Variants in SLC2A13 observed in about 807,000 individuals in gnomAD.
SLC2A13 encodes the protein solute carrier family 2 member 13, also known as proton myo-inositol cotransporter.
Under a neutral mutation model 64.4 loss-of-function variants are expected in SLC2A13, and 32 were observed. The observed-to-expected ratio is 0.50, with a 90% CI of 0.37 to 0.67. SLC2A13 has a LOEUF of 0.67. Among genes scored for constraint, SLC2A13 ranks in the 30% least tolerant of loss-of-function variants. The probability of loss-of-function intolerance (pLI) is 0.00; values close to 1 mark genes in which losing one functional copy is unlikely to be tolerated. For missense variants in SLC2A13, 743 were observed against 829.2 expected, an observed-to-expected ratio of 0.90 and a Z score of 1.28; for synonymous variants, 338 against 327.1, an observed-to-expected ratio of 1.03 and a Z score of -0.36.
At chr12:39,815,348 TCTA>T (rs1167051328) in intron 7 of SLC2A13, among the ~76,000 whole-genome samples, 2 of 152,214 alleles carry the variant, frequency 1.3e-5, no homozygotes, top group African/African-American at 4.8e-5. Flanking sequence ...TATTGTCATT[TCTA>T]CTACAAGTTT....
chr12:39,930,435 G>A (rs1387590409), intron 4 of SLC2A13, among the ~76,000 whole-genome samples: 2 of 152,106 alleles, frequency 1.3e-5, no homozygotes, highest in Non-Finnish European at 2.9e-5. Flanking sequence ...ATTATATCAG[G>A]GGCAGGAAGA....
intron 7 of SLC2A13, among the ~76,000 whole-genome samples, chr12:39,826,252 G>C (rs1209249130): frequency 6.6e-6 from 1 of 151,560 alleles, no homozygotes; most frequent in African/African-American, 2.4e-5. Flanking sequence ...GTCTCTGCTT[G>C]TTTTTGTTTT....
chr12:39,820,241 A>T (rs1274109087), intron 7 of SLC2A13, among the ~76,000 whole-genome samples: 1 of 152,224 alleles, frequency 6.6e-6, no homozygotes, highest in Non-Finnish European at 1.5e-5. Flanking sequence ...ATAAAATAAG[A>T]CAGCATTCAT....
chr12:39,899,990 C>A (rs891435762), intron 4 of SLC2A13, among the ~76,000 whole-genome samples: 1 of 151,304 alleles, frequency 6.6e-6, no homozygotes, highest in South Asian at 2.1e-4. Flanking sequence ...AGCTTATCCA[C>A]CATGATCAAG....
chr12:39,994,369 C>T (rs530986344), intron 3 of SLC2A13, among the ~76,000 whole-genome samples: 6 of 142,076 alleles, frequency 4.2e-5, no homozygotes, highest in Non-Finnish European at 9.0e-5. Flanking sequence ...GGCAACAGAG[C>T]GAGACTCCAT....
rs560459104 is a variant in SLC2A13, at chr12:39,915,904, T to C, written c.1034+35353A>G. On this transcript the variant is annotated intron_variant, in intron 4 of 9. Coordinates refer to ENST00000280871, the MANE Select transcript of SLC2A13 (RefSeq NM_052885.4). Reference sequence around the variant, plus strand: ...GACAAATCTCTGATTTACAGCATAATTTCTACAAAAAACTTAAAGAAATCA... The same window carrying C: ...GACAAATCTCTGATTTACAGCATAACTTCTACAAAAAACTTAAAGAAATCA... 3.9e-5 allele frequency among the ~76,000 whole-genome samples: 6 copies of C among 152,048 alleles called. 1 individual carries two copies. Among genetic ancestry groups the C allele is most frequent in the Admixed American group, 2.0e-4 (3 of 15,270 alleles).
At chr12:39,988,005 T>C (rs1328924367) in intron 3 of SLC2A13, among the ~76,000 whole-genome samples, 1 of 152,182 alleles carries the variant, frequency 6.6e-6, no homozygotes, top group Non-Finnish European at 1.5e-5. Flanking sequence ...TTCTTTGCCT[T>C]GGTCTGAACT....
chr12:40,011,214 G>T (rs905807462), intron 3 of SLC2A13, among the ~76,000 whole-genome samples: 11 of 152,162 alleles, frequency 7.2e-5, no homozygotes, highest in African/African-American at 2.7e-4. Flanking sequence ...GGGCCAAAAA[G>T]TTCTATGTTG....
intron 3 of SLC2A13, among the ~76,000 whole-genome samples, chr12:40,024,729 A>G (rs1462773949): frequency 1.3e-5 from 2 of 152,220 alleles, no homozygotes; most frequent in African/African-American, 2.4e-5. Context: ...ATGTCACTCA[A>G]TAAATACTTT....
At chr12:40,048,015 G>C (rs1485602720) in intron 2 of SLC2A13, 36 bp downstream of exon 2, 1 of 1,547,774 alleles carries the variant, frequency 6.5e-7, no homozygotes, top group Non-Finnish European at 8.7e-7. Context: ...CCAAAATCAA[G>C]ATTTGAAAAA....
intron 4 of SLC2A13, among the ~76,000 whole-genome samples, chr12:39,893,018 C>T (rs531381312): frequency 6.6e-6 from 1 of 152,190 alleles, no homozygotes; most frequent in South Asian, 2.1e-4. Flanking sequence ...TTAAGCTACT[C>T]TAAATTCAAT....
At chr12:40,059,207 C>G (rs1948379238) in intron 1 of SLC2A13, among the ~76,000 whole-genome samples, 1 of 152,142 alleles carries the variant, frequency 6.6e-6, no homozygotes, top group African/African-American at 2.4e-5. Context: ...ATTGTCTTAT[C>G]CCTTTTTATT....
At chr12:40,044,238 T>G (rs2136233352) in intron 2 of SLC2A13, among the ~76,000 whole-genome samples, 1 of 152,272 alleles carries the variant, frequency 6.6e-6, no homozygotes, top group South Asian at 2.1e-4. Flanking sequence ...GAACCACATA[T>G]TCATATATGA....
chr12:39,811,675 A>G (rs1378895742), intron 7 of SLC2A13, among the ~76,000 whole-genome samples: 4 of 152,166 alleles, frequency 2.6e-5, no homozygotes, highest in Admixed American at 2.6e-4. Context: ...TATACATTTA[A>G]GAATTGTATG....
intron 7 of SLC2A13, among the ~76,000 whole-genome samples, chr12:39,790,127 CTTT>C (rs59535689): frequency 6.9e-6 from 1 of 145,630 alleles, no homozygotes. Flanking sequence ...CTTTTGTGTT[CTTT>C]TTTTTTTTTG....
At position 40,073,685 on chromosome 12, in the gene SLC2A13, C is replaced by T. The variant is rs568895555; in HGVS notation, c.557-25475G>A. On this transcript the variant is annotated intron_variant, in intron 1 of 9. Coordinates refer to ENST00000280871, the MANE Select transcript of SLC2A13 (RefSeq NM_052885.4). ...CTAGACTGGTAGGGCTTCATTCTCT[C>T]AACACTTTAAATATTTCACTCCACT... Among the ~76,000 whole-genome samples the T allele has an allele frequency of 2.0e-3, 309 of 152,060 alleles. 2 individuals are homozygous for T. The highest frequency in any genetic ancestry group is 0.014 in the Middle Eastern group (4 of 294).
chr12:40,090,202 T>G (rs1414648842), intron 1 of SLC2A13, among the ~76,000 whole-genome samples: 2 of 152,214 alleles, frequency 1.3e-5, no homozygotes, highest in Non-Finnish European at 2.9e-5. Context: ...GGCATATTTC[T>G]AGTGAACACA....
chr12:40,087,600 T>C (rs1938625557), intron 1 of SLC2A13, among the ~76,000 whole-genome samples: 1 of 152,128 alleles, frequency 6.6e-6, no homozygotes, highest in African/African-American at 2.4e-5. Context: ...ACTAAATAAA[T>C]ATCTACTATG....
chr12:40,074,831 T>C (rs1938106274), intron 1 of SLC2A13, among the ~76,000 whole-genome samples: 1 of 152,168 alleles, frequency 6.6e-6, no homozygotes, highest in African/African-American at 2.4e-5. Context: ...CTCTACAGTG[T>C]TATGATTAGG....
Sources: gnomAD v4.1 joint callset for allele counts (sites outside exome capture counted in the v4.1 genomes callset) on GRCh38, gnomAD v4.1.1 for gene constraint, MANE v1.5 for transcripts, NCBI Gene and HGNC (gene_info 2026-07-23, HGNC 2026-07-21) for gene names.